Variants in SDF4 observed in about 807,000 individuals in gnomAD.
SDF4 encodes the protein stromal cell derived factor 4, also known as 45 kDa calcium-binding protein.
In SDF4, 22 loss-of-function variants were observed where a neutral mutation model predicts 34.2. The observed-to-expected ratio is 0.64, with a 90% CI of 0.46 to 0.92. The LOEUF is 0.92. SDF4 is among the 40% of genes least tolerant of loss of function. The pLI is 0.00. For synonymous variants in SDF4, 236 were observed against 203.1 expected (o/e 1.16, Z -1.38); for missense variants, 447 against 499.9 (o/e 0.89, Z 1.01).
intron 2 of SDF4, among the ~76,000 whole-genome samples, chr1:1,226,169 C>T (rs1207986988): frequency 6.6e-6 from 1 of 152,224 alleles, no homozygotes; most frequent in East Asian, 1.9e-4. Context: ...AGCTATTGCA[C>T]TGGGGCAGGT....
At chr1:1,225,846 C>A (rs1219167155) in intron 2 of SDF4, among the ~76,000 whole-genome samples, 2 of 152,216 alleles carry the variant, frequency 1.3e-5, no homozygotes, top group Non-Finnish European at 2.9e-5. Flanking sequence ...GGAAAGAAAC[C>A]ACATGGCGCA....
At chr1:1,219,470 C>T (rs528462982) in intron 4 of SDF4, 98 of 1,000,094 alleles carry the variant, frequency 9.8e-5, no homozygotes, top group Admixed American at 6.9e-4. Flanking sequence ...GACGTGCGCA[C>T]GGCGCCGCGG....
At chr1:1,219,183 G>C in intron 4 of SDF4, 1 of 1,319,552 alleles carries the variant, frequency 7.6e-7, no homozygotes, top group Non-Finnish European at 9.7e-7. Flanking sequence ...ACACAGCCCG[G>C]ACTCCCCAAG....
intron 2 of SDF4, among the ~76,000 whole-genome samples, chr1:1,227,046 C>T (rs1638336028): frequency 6.6e-6 from 1 of 152,222 alleles, no homozygotes; most frequent in Non-Finnish European, 1.5e-5. Context: ...GGACACCACA[C>T]CTGGTGCCCA....
Position 1,223,287 on chromosome 1 carries a change from G to C in SDF4, c.513C>G (p.Ala171=), listed in dbSNP as rs59813672. 1.2e-6 allele frequency: 2 copies of C among 1,614,046 alleles called. No individual in the cohort carries two copies. The highest frequency in any genetic ancestry group is 1.7e-6 in the Non-Finnish European group (2 of 1,179,990). The change falls in exon 4 of 7, where the codon GCC becomes GCG. Residue 171 remains alanine, a synonymous_variant. Transcript: ENST00000360001. ...ASKGHSEKEV[A]DAIRLNEELK... is the part of the protein sequence containing the mutation. ...GTTCCTCGTTGAGCCTGATGGCGTC[G>C]GCAACCTCCTTCTCGCTATGGCCTT...
intron 3 of SDF4, 69 bp downstream of exon 3, chr1:1,223,763 C>T (rs941109469): frequency 3.9e-6 from 5 of 1,282,544 alleles, no homozygotes; most frequent in Non-Finnish European, 5.4e-6. Flanking sequence ...GCCCTCCAGG[C>T]ACCAGGCAAG....
intron 4 of SDF4, 91 bp from the exon 5 acceptor site, chr1:1,219,018 G>C: frequency 6.2e-7 from 1 of 1,610,938 alleles, no homozygotes. Flanking sequence ...GAACTCGAGG[G>C]ACACAGCCAC....
chr1:1,226,486 C>T (rs78107697), intron 2 of SDF4, among the ~76,000 whole-genome samples: 17,838 of 152,200 alleles, frequency 0.12, 1,129 homozygotes, highest in East Asian at 0.17. Flanking sequence ...AGAACTGTTA[C>T]GTCCTCACAA....
At chr1:1,221,044 C>T (rs1649922011) in intron 4 of SDF4, 1 of 335,696 alleles carries the variant, frequency 3.0e-6, no homozygotes, top group Admixed American at 4.0e-5. Flanking sequence ...CCCTTTAGCC[C>T]AGGACTTTGA....
chr1:1,223,136 C>T (rs1430482344), intron 4 of SDF4, 108 bp downstream of exon 4: 2 of 795,534 alleles, frequency 2.5e-6, no homozygotes, highest in Non-Finnish European at 4.4e-6. Flanking sequence ...CGAGCACACG[C>T]ACGGCACACT....
chr1:1,223,165 C>T (rs1650074301), intron 4 of SDF4, 79 bp downstream of exon 4: 3 of 978,008 alleles, frequency 3.1e-6, no homozygotes, highest in Non-Finnish European at 3.3e-6. Flanking sequence ...ACACACACGG[C>T]ACACTCATGT....
intron 1 of SDF4, among the ~76,000 whole-genome samples, chr1:1,230,219 T>C (rs1638451753): frequency 6.6e-6 from 1 of 152,272 alleles, no homozygotes; most frequent in Non-Finnish European, 1.5e-5. Context: ...ACTCCTGTTC[T>C]GTGGCCGTCT....
intron 2 of SDF4, among the ~76,000 whole-genome samples, chr1:1,228,021 G>T (rs1354970969): frequency 1.3e-5 from 2 of 152,216 alleles, no homozygotes; most frequent in African/African-American, 4.8e-5. Context: ...AGGGTAGAGG[G>T]CGTGTCAGGA....
intron 2 of SDF4, among the ~76,000 whole-genome samples, chr1:1,227,896 G>C (rs988821802): frequency 2.0e-5 from 3 of 152,158 alleles, no homozygotes; most frequent in Non-Finnish European, 4.4e-5. Flanking sequence ...GGCCAAGGAT[G>C]GGCCACTGAC....
intron 1 of SDF4, among the ~76,000 whole-genome samples, chr1:1,231,209 G>C (rs1038473907): frequency 6.6e-6 from 1 of 152,226 alleles, no homozygotes; most frequent in Non-Finnish European, 1.5e-5. Flanking sequence ...CAGGTTCGCA[G>C]CACAGCGGAG....
In SDF4 at chr1:1,217,940, A is replaced by G; in HGVS notation, c.892-252T>C. 1 of 999,276 alleles carries G rather than the reference A, an allele frequency of 1.0e-6. No individual in the cohort carries two copies. Among genetic ancestry groups the G allele is most frequent in the East Asian group, 2.8e-5 (1 of 35,694 alleles). The allele number at this position is 999,276 out of a possible 1,614,324, so 61.9% of individuals were successfully genotyped here. ...ACACAGGCCTGGACCCCAGTTCTGAAGGATCCCTAACCTGGGCCGGGCCCA... is the reference window on the plus strand; with the variant it reads ...ACACAGGCCTGGACCCCAGTTCTGAGGGATCCCTAACCTGGGCCGGGCCCA... On this transcript the variant is annotated intron_variant, in intron 6 of 6. Transcript: ENST00000360001. The surrounding 1 kb of genome is among the most constrained non-coding windows in gnomAD (Gnocchi z 8.5).
intron 4 of SDF4, chr1:1,220,889 C>T (rs138677742): frequency 6.8e-5 from 41 of 602,754 alleles, no homozygotes; most frequent in African/African-American, 4.0e-4. Context: ...GCAGGGAACG[C>T]GGGACCGGGG....
chr1:1,223,790 G>GCCCCCCCCC, intron 3 of SDF4, 42 bp downstream of exon 3: 1 of 190,886 alleles, frequency 5.2e-6, no homozygotes, highest in Non-Finnish European at 8.8e-6. Flanking sequence ...GGCCCTGCCC[G>GCCCCCCCCC]CCCCGCCCAC....
At chr1:1,220,170 C>T (rs1649839527) in intron 4 of SDF4, 2 of 989,292 alleles carry the variant, frequency 2.0e-6, no homozygotes, top group Non-Finnish European at 1.2e-6. Context: ...GTGAAGAAGC[C>T]TTGAGTCCCA....
Sources: allele counts gnomAD v4.1 joint callset (sites outside exome capture counted in the v4.1 genomes callset), GRCh38; gene constraint gnomAD v4.1.1; non-coding constraint Gnocchi (gnomAD v3.1); transcripts MANE v1.5; gene names NCBI Gene and HGNC (gene_info 2026-07-23, HGNC 2026-07-21).